The following C1QTNF1 variants were observed in gnomAD, a reference collection of about 807,000 sequenced individuals.
The protein encoded by C1QTNF1 is C1q and TNF related 1.
A neutral mutation model predicts 27.8 loss-of-function variants in C1QTNF1; 22 were observed. The ratio of observed to expected loss-of-function variants is 0.79; its 90% CI spans 0.56 to 1.13. The LOEUF is 1.13. Ranked by LOEUF, C1QTNF1 falls within the 50% of genes most tolerant of loss-of-function variation. C1QTNF1 has a pLI of 0.00. For missense variants in C1QTNF1, 373 were observed against 380.2 expected (o/e 0.98, Z 0.16); for synonymous variants, 166 against 154.3 (o/e 1.08, Z -0.56).
At chr17:79,023,833 A>C (rs1414401126), upstream of C1QTNF1, among the ~76,000 whole-genome samples, 3 of 152,186 alleles carry the variant, frequency 2.0e-5, no homozygotes, top group African/African-American at 7.2e-5. Flanking sequence ...CACTGTTTGG[A>C]GACCTGACCC....
At chr17:79,032,214 C>A (rs548433043) in intron 1 of C1QTNF1, among the ~76,000 whole-genome samples, 1 of 152,268 alleles carries the variant, frequency 6.6e-6, no homozygotes, top group African/African-American at 2.4e-5. Context: ...CAGGTCTGGG[C>A]AACTTCCCGG....
chr17:79,029,336 C>T (rs561779216), intron 1 of C1QTNF1, among the ~76,000 whole-genome samples: 40 of 152,212 alleles, frequency 2.6e-4, no homozygotes, highest in Admixed American at 9.2e-4. Context: ...GTCGGACACA[C>T]CTAGGTCTAA....
chr17:79,043,487 T>C (rs1305947063), intron 1 of C1QTNF1: 5 of 450,702 alleles, frequency 1.1e-5, no homozygotes, highest in East Asian at 7.0e-5. Context: ...GGTGCGTGGA[T>C]TGCATGAGTG....
chr17:79,037,042 C>T (rs2072279405), intron 1 of C1QTNF1, among the ~76,000 whole-genome samples: 1 of 152,246 alleles, frequency 6.6e-6, no homozygotes. Context: ...GCTGTCAGCA[C>T]ACAAGCATGA....
chr17:79,026,936 T>C (rs1332952779), intron 1 of C1QTNF1, among the ~76,000 whole-genome samples: 1 of 152,240 alleles, frequency 6.6e-6, no homozygotes, highest in African/African-American at 2.4e-5. Context: ...CCCCCAGCTG[T>C]AATTAGCATG....
chr17:79,036,650 G>A, intron 1 of C1QTNF1, among the ~76,000 whole-genome samples: 1 of 152,200 alleles, frequency 6.6e-6, no homozygotes, highest in East Asian at 1.9e-4. Flanking sequence ...TTCAACATGT[G>A]TTGTTCTGTC....
intron 2 of C1QTNF1, among the ~76,000 whole-genome samples, chr17:79,045,022 C>T (rs988815743): frequency 3.3e-5 from 5 of 150,116 alleles, no homozygotes; most frequent in South Asian, 4.1e-4. Context: ...GCTCTGAGGC[C>T]GAGAGGGAGA....
At chr17:79,043,379 GTGTA>G (rs1015786843) in intron 1 of C1QTNF1, 34 of 453,634 alleles carry the variant, frequency 7.5e-5, no homozygotes, top group Admixed American at 5.4e-4. Context: ...TGTGTGGACT[GTGTA>G]TGTGCATGTA....
intron 1 of C1QTNF1, among the ~76,000 whole-genome samples, chr17:79,036,317 G>A (rs2072263436): frequency 6.6e-6 from 1 of 152,164 alleles, no homozygotes; most frequent in South Asian, 2.1e-4. Context: ...TGGGACTACA[G>A]GTGCACACTA....
rs1227924684 is a variant in C1QTNF1 at position 79,043,999 on chromosome 17, G to A, written c.31G>A (p.Ala11Thr). The change falls in exon 2 of 4, where the codon GCG becomes ACG. Residue 11 changes from alanine to threonine, a missense_variant. Ala to Thr is a moderately conservative substitution (Grantham distance 58). Transcript: ENST00000579760. MGSRGQGLLLAYCLLLAFASG... is the reference protein window; with the variant it reads MGSRGQGLLLTYCLLLAFASG... Reference sequence around the variant, plus strand: ...CTCCCGTGGACAGGGACTCTTGCTGGCGTACTGCCTGCTCCTTGCCTTTGC... The same window carrying A: ...CTCCCGTGGACAGGGACTCTTGCTGACGTACTGCCTGCTCCTTGCCTTTGC... 1 of 1,614,174 alleles carries A rather than the reference G, an allele frequency of 6.2e-7. No homozygotes were observed. The highest frequency in any genetic ancestry group is 1.7e-5 in the Admixed American group (1 of 60,032).
chr17:79,023,704 GCACACACACA>G (rs5822269), upstream of C1QTNF1, among the ~76,000 whole-genome samples: 10 of 144,936 alleles, frequency 6.9e-5, 1 homozygote, highest in African/African-American at 1.8e-4. Flanking sequence ...GCGCGCGCGC[GCACACACACA>G]CACACACACA....
intron 1 of C1QTNF1, among the ~76,000 whole-genome samples, chr17:79,032,111 C>T (rs564388045): frequency 1.3e-5 from 2 of 152,150 alleles, no homozygotes; most frequent in Non-Finnish European, 2.9e-5. Flanking sequence ...CTCCCATTTC[C>T]CAGGGGCTTG....
intron 1 of C1QTNF1, among the ~76,000 whole-genome samples, chr17:79,031,835 C>T (rs2072147455): frequency 6.6e-6 from 1 of 152,238 alleles, no homozygotes. Context: ...AAGCAATAGA[C>T]TTTCTGAGTG....
chr17:79,035,388 T>C (rs1599289866), intron 1 of C1QTNF1, among the ~76,000 whole-genome samples: 1 of 150,626 alleles, frequency 6.6e-6, no homozygotes, highest in East Asian at 1.9e-4. Context: ...AAGGGGCCGT[T>C]GAGGCTGTGT....
chr17:79,035,511 A>G (rs2072244952), intron 1 of C1QTNF1, among the ~76,000 whole-genome samples: 1 of 151,440 alleles, frequency 6.6e-6, no homozygotes, highest in Non-Finnish European at 1.5e-5. Context: ...GCTCACTGCA[A>G]CCTCTGCCTC....
At chr17:79,043,425 A>C in intron 1 of C1QTNF1, 5 of 447,246 alleles carry the variant, frequency 1.1e-5, no homozygotes, top group South Asian at 7.8e-5. Context: ...ATGTGTGTTG[A>C]CTGTGTGCAT....
chr17:79,038,090 A>G (rs916670325), intron 1 of C1QTNF1, among the ~76,000 whole-genome samples: 5 of 151,930 alleles, frequency 3.3e-5, no homozygotes, highest in Non-Finnish European at 7.4e-5. Context: ...CCTGAGTTCA[A>G]GCAATTCTCC....
rs934362128 is a variant in C1QTNF1, at chr17:79,046,039, C to T, written c.156-516C>T. Reference sequence around the variant, plus strand: ...GCACATGTGATGCCATGAGGGGCCGCGAGGTGGCAGCCAGGAGCCGCCGCC... The same window carrying T: ...GCACATGTGATGCCATGAGGGGCCGTGAGGTGGCAGCCAGGAGCCGCCGCC... On this transcript the variant is annotated intron_variant, in intron 2 of 3. Transcript: ENST00000579760. The surrounding 1 kb of genome is among the most constrained non-coding windows in gnomAD (Gnocchi z 4.8). Among the ~76,000 whole-genome samples, 9 of 152,138 alleles carry T rather than the reference C, an allele frequency of 5.9e-5. No homozygotes were observed. Among genetic ancestry groups the T allele is most frequent in the African/African-American group, 1.9e-4 (8 of 41,420 alleles).
At chr17:79,034,758 C>T (rs942124063) in intron 1 of C1QTNF1, among the ~76,000 whole-genome samples, 1 of 152,178 alleles carries the variant, frequency 6.6e-6, no homozygotes, top group South Asian at 2.1e-4. Context: ...AACACCTAAG[C>T]CTTAAAAACA....
Sources: gnomAD v4.1 joint callset for allele counts (sites outside exome capture counted in the v4.1 genomes callset) on GRCh38, gnomAD v4.1.1 for gene constraint, Gnocchi (gnomAD v3.1) non-coding constraint, MANE v1.5 for transcripts, NCBI Gene and HGNC (gene_info 2026-07-23, HGNC 2026-07-21) for gene names.